Variants in MED4 observed in about 807,000 individuals in gnomAD.
The protein encoded by MED4 is mediator of RNA polymerase II transcription subunit 4.
Under a neutral mutation model 35.0 loss-of-function variants are expected in MED4, and 21 were observed. The observed-to-expected ratio is 0.60, with a 90% CI of 0.43 to 0.86. MED4 has a LOEUF of 0.86. Ranked by LOEUF, MED4 falls within the 40% of genes least tolerant of loss-of-function variation. The pLI is 0.00. For missense variants in MED4, 300 were observed against 319.4 expected (o/e 0.94, Z 0.46); for synonymous variants, 138 against 114.0 (o/e 1.21, Z -1.34).
rs557646679 is a variant in MED4 at position 48,081,609 on chromosome 13, C to T, written c.508+36G>A. 4.1e-6 allele frequency: 6 copies of T among 1,447,064 alleles called. 1 individual carries two copies. In the South Asian group the frequency reaches 7.6e-5, roughly 18 times the overall value. The allele number at this position is 1,447,064 out of a possible 1,614,324, so 89.6% of individuals were successfully genotyped here. A position where few individuals can be genotyped will look rare whatever the true frequency, so the allele number is the denominator to read the frequency against. ...ATAGTCACCTAAGAATCTTCAAAAC[C>T]ACATATATCTAGTATAATAAGACGA... On this transcript the variant is annotated intron_variant, in intron 5 of 6. Transcript: ENST00000258648.
At chr13:48,089,488 T>C (rs1353819261) in intron 2 of MED4, among the ~76,000 whole-genome samples, 1 of 152,208 alleles carries the variant, frequency 6.6e-6, no homozygotes, top group African/African-American at 2.4e-5. Context: ...TCCCAGCACT[T>C]TGGTAGGCCA....
intron 2 of MED4, among the ~76,000 whole-genome samples, chr13:48,089,728 C>A (rs888709243): frequency 6.6e-6 from 1 of 152,128 alleles, no homozygotes; most frequent in Non-Finnish European, 1.5e-5. Context: ...CTAGCCTGGG[C>A]TACAGAGCGA....
Position 48,095,094 on chromosome 13 carries a change from G to T in MED4, c.-16C>A. 1 of 1,601,040 alleles carries T rather than the reference G, an allele frequency of 6.2e-7. No individual in the cohort carries two copies. Among genetic ancestry groups the T allele is most frequent in the African/African-American group, 1.3e-5 (1 of 75,030 alleles). On this transcript the variant is annotated 5_prime_UTR_variant, in exon 1 of 7. Coordinates refer to ENST00000258648, the MANE Select transcript of MED4 (RefSeq NM_014166.4). ...ACGCAGCCATTTTCCCCAGAGTCCC[G>T]CCACCGGCGCACGCGCAGAGCGAGC...
At position 48,079,862 on chromosome 13, in the gene MED4, C is replaced by A. The variant is rs1252873104; in HGVS notation, c.622G>T (p.Ala208Ser). 1 of 1,613,656 alleles carries A rather than the reference C, an allele frequency of 6.2e-7. No individual in the cohort carries two copies. The highest frequency in any genetic ancestry group is 8.5e-7 in the Non-Finnish European group (1 of 1,179,778). The stretch of plus-strand genomic sequence containing the variant: ...ACATTACCTGGCAATCTTCCTGCTG[C>A]AAGTGCATCTCCTGGTAAATGGCCA... ...VNGHLPGDAL[A>S]AGRLPDVLAP... is the part of the protein sequence containing the mutation. The change falls in exon 6 of 7, where the codon GCA becomes TCA. Residue 208 changes from alanine (A) to serine (S), a missense_variant. Physicochemically the swap from Ala to Ser is moderately conservative, Grantham distance 99. Coordinates refer to ENST00000258648, the MANE Select transcript of MED4 (RefSeq NM_014166.4).
intron 6 of MED4, among the ~76,000 whole-genome samples, chr13:48,079,470 C>A (rs1593541708): frequency 1.3e-5 from 2 of 152,164 alleles, no homozygotes; most frequent in Admixed American, 6.5e-5. Context: ...GGCAGGCACA[C>A]TGGCTCACAC....
rs1950760855 is a variant in MED4, at chr13:48,076,624, G to A, written c.*515C>T. The A allele has an allele frequency of 6.6e-6, 1 of 152,070 alleles. No homozygotes were observed. The highest frequency in any genetic ancestry group is 2.4e-5 in the African/African-American group (1 of 41,374). 9.4% of individuals were successfully genotyped at this position (152,070 alleles called of 1,614,324 possible). ...TTTACAAAAATTACAATTACAAACT[G>A]TACAAATTGAGACAATTTCCCATGC... On this transcript the variant is annotated 3_prime_UTR_variant, in exon 7 of 7. Coordinates refer to ENST00000258648, the MANE Select transcript of MED4 (RefSeq NM_014166.4).
At chr13:48,090,310 AAAAC>A (rs745322928) in intron 2 of MED4, 38 bp downstream of exon 2, 1 of 1,456,260 alleles carries the variant, frequency 6.9e-7, no homozygotes, top group Admixed American at 2.4e-5. Flanking sequence ...TTTTAATTAA[AAAAC>A]AAAGAGAAAT....
intron 4 of MED4, among the ~76,000 whole-genome samples, chr13:48,083,012 G>C (rs917948350): frequency 6.6e-6 from 1 of 152,266 alleles, no homozygotes; most frequent in African/African-American, 2.4e-5. Flanking sequence ...GTTGCCCAAT[G>C]GATGTCTTTT....
chr13:48,085,470 C>T (rs1397565749), intron 3 of MED4, among the ~76,000 whole-genome samples: 5 of 152,222 alleles, frequency 3.3e-5, no homozygotes, highest in Non-Finnish European at 7.3e-5. Flanking sequence ...GGATTACAGG[C>T]ATTAGCCACC....
chr13:48,095,035 C>T lies in MED4; in HGVS notation c.44G>A (p.Gly15Glu). 1 of 1,606,394 alleles carries T rather than the reference C, an allele frequency of 6.2e-7. No individual in the cohort carries two copies. Among genetic ancestry groups the T allele is most frequent in the Non-Finnish European group, 8.5e-7 (1 of 1,179,916 alleles). ...ACCACCCGCCACTCCCAAACCGCCT[C>T]CCAGCCGCTCCTTCTCCTTCTCACC... ...SSGEKEKERL[G>E]GGLGVAGGNS... The change falls in exon 1 of 7, where the codon GGA becomes GAA. Residue 15 changes from glycine to glutamate, a missense_variant. Gly to Glu is a moderately conservative substitution (Grantham distance 98). Transcript: ENST00000258648.
chr13:48,092,679 A>C (rs1950898661), intron 1 of MED4, among the ~76,000 whole-genome samples: 1 of 152,232 alleles, frequency 6.6e-6, no homozygotes, highest in African/African-American at 2.4e-5. Flanking sequence ...TAGAGCTAAC[A>C]GGACTTGCTG....
Position 48,077,243 on chromosome 13 carries a change from T to C in MED4, c.709A>G (p.Ser237Gly), listed in dbSNP as rs139555616. The C allele has an allele frequency of 1.6e-5, 26 of 1,595,934 alleles. No individual in the cohort carries two copies. The African/African-American group carries it at 3.0e-4, about 18-fold the overall frequency. Residue 237 changes from serine to glycine, a missense_variant, in exon 7 of 7, where the codon AGT becomes GGT. Transcript: ENST00000258648. ...MSMNMLPPNH[S>G]SDFLLEPPGH... Reference sequence around the variant, plus strand: ...GGAGGTTCCAACAAAAAGTCACTACTATGATTTGGTGGTAACATATTCATC... The same window carrying C: ...GGAGGTTCCAACAAAAAGTCACTACCATGATTTGGTGGTAACATATTCATC...
In MED4 at chr13:48,081,669, A is replaced by C. The variant is rs1950809133; in HGVS notation, c.484T>G (p.Cys162Gly). The C allele has an allele frequency of 6.2e-7, 1 of 1,612,014 alleles. No homozygotes were observed. Among genetic ancestry groups the C allele is most frequent in the South Asian group, 1.1e-5 (1 of 90,620 alleles). Reference protein sequence around the residue: ...AHRISASNAVCAPLTWVPGDP... With the variant: ...AHRISASNAVGAPLTWVPGDP... ...CCTGGAACCCAGGTCAGTGGAGCAC[A>C]TACAGCATTACTTGCACTGATCCTA... The change falls in exon 5 of 7, where the codon TGT becomes GGT. Residue 162 changes from cysteine (C) to glycine (G), a missense_variant. Transcript: ENST00000258648.
intron 3 of MED4, 24 bp downstream of exon 3, chr13:48,086,245 CCTTTTTAACCTTA>C: frequency 6.3e-7 from 1 of 1,585,018 alleles, no homozygotes; most frequent in Non-Finnish European, 8.6e-7. Flanking sequence ...TAAACAACAT[CCTTTTTAACCTTA>C]AGAACCAACC....
In MED4 at chr13:48,079,887, A is replaced by G. The variant is rs140514462; in HGVS notation, c.597T>C (p.Asn199=). The change falls in exon 6 of 7, where the codon AAT becomes AAC. Residue 199 remains asparagine, a synonymous_variant. Coordinates refer to ENST00000258648, the MANE Select transcript of MED4 (RefSeq NM_014166.4). ...CAAGTGCATCTCCTGGTAAATGGCC[A>G]TTCACGCCATTAGTGGAAGGATTGT... ...QMNNPSTNGV[N]GHLPGDALAA... is the part of the protein sequence containing the mutation. 27 of 1,613,796 alleles carry G rather than the reference A, an allele frequency of 1.7e-5. No homozygotes were observed. Among genetic ancestry groups the G allele is most frequent in the Non-Finnish European group, 2.3e-5 (27 of 1,179,874 alleles).
chr13:48,081,801 C>T (rs1317576257), intron 4 of MED4, 70 bp from the exon 5 acceptor site: 2 of 881,886 alleles, frequency 2.3e-6, no homozygotes, highest in Non-Finnish European at 3.5e-6. Flanking sequence ...ATGTATCTAT[C>T]AGTTACACAT....
chr13:48,086,234 T>C (rs576574796), intron 3 of MED4, 48 bp downstream of exon 3: 6 of 1,558,100 alleles, frequency 3.9e-6, no homozygotes, highest in African/African-American at 2.7e-5. Context: ...CAGAAACAGA[T>C]TAAACAACAT....
intron 2 of MED4, among the ~76,000 whole-genome samples, chr13:48,087,140 C>G (rs747947102): frequency 6.6e-6 from 1 of 151,526 alleles, no homozygotes; most frequent in African/African-American, 2.4e-5. Flanking sequence ...CCGAGGCAGG[C>G]GAATCACCAG....
chr13:48,089,716 C>T (rs1047267875), intron 2 of MED4, among the ~76,000 whole-genome samples: 1 of 152,174 alleles, frequency 6.6e-6, no homozygotes, highest in African/African-American at 2.4e-5. Flanking sequence ...TGCCACTGCA[C>T]TCTAGCCTGG....
Sources: gnomAD v4.1 joint callset for allele counts (sites outside exome capture counted in the v4.1 genomes callset) on GRCh38, gnomAD v4.1.1 for gene constraint, MANE v1.5 for transcripts, NCBI Gene and HGNC (gene_info 2026-07-23, HGNC 2026-07-21) for gene names.